The following ADAMTSL1 variants were observed in gnomAD, a reference collection of about 807,000 sequenced individuals.
The protein encoded by ADAMTSL1 is ADAMTS like 1, also known as ADAMTS-like protein 1.
Under a neutral mutation model 201.8 loss-of-function variants are expected in ADAMTSL1, and 126 were observed. That is an observed-to-expected ratio of 0.62 (90% confidence interval 0.54 to 0.72). ADAMTSL1 has a LOEUF of 0.72. ADAMTSL1 is among the 30% of genes least tolerant of loss of function. ADAMTSL1 has a pLI of 0.00. For synonymous variants in ADAMTSL1, 1,121 were observed against 903.4 expected, an observed-to-expected ratio of 1.24 and a Z score of -4.32; for missense variants, 2,679 against 2,277.8, an observed-to-expected ratio of 1.18 and a Z score of -3.59.
intron 2 of ADAMTSL1, among the ~76,000 whole-genome samples, chr9:18,241,569 GCACATGTT>G (rs1831063850): frequency 6.6e-6 from 1 of 151,810 alleles, no homozygotes; most frequent in Admixed American, 6.6e-5. Flanking sequence ...AATTTGTATT[GCACATGTT>G]TAACATATAT....
intron 13 of ADAMTSL1, among the ~76,000 whole-genome samples, chr9:18,704,820 G>A (rs1832136004): frequency 6.6e-6 from 1 of 152,188 alleles, no homozygotes; most frequent in South Asian, 2.1e-4. Flanking sequence ...AGTTAAAAGG[G>A]TGAGAGGGAG....
At chr9:18,876,329 T>TGTGTGTGTGCGCGTGTGTGTGTGTGC (rs901063156) in intron 23 of ADAMTSL1, among the ~76,000 whole-genome samples, 7 of 151,128 alleles carry the variant, frequency 4.6e-5, no homozygotes, top group Admixed American at 4.6e-4. Context: ...TGTGTGTGTG[T>TGTGTGTGTGCGCGTGTGTGTGTGTGC]GCGTGATTGT....
chr9:18,062,813 T>G (rs1822518840), intron 1 of ADAMTSL1, among the ~76,000 whole-genome samples: 3 of 152,216 alleles, frequency 2.0e-5, no homozygotes, highest in Admixed American at 1.3e-4. Context: ...AATTTTTCCC[T>G]CTGATTTATG....
In ADAMTSL1 at chr9:18,474,393, C is replaced by G. The variant is rs573128155; in HGVS notation, c.63+98C>G. The G allele has an allele frequency of 6.9e-6, 8 of 1,162,406 alleles. No homozygotes were observed. In the South Asian group the frequency reaches 9.4e-5, roughly 14 times the overall value. 72.0% of individuals were successfully genotyped at this position (1,162,406 alleles called of 1,614,324 possible). On this transcript the variant is annotated intron_variant, in intron 1 of 28. Transcript: ENST00000380548. ...TGTGTGTTTGTGTGTGTGTGTGTGT[C>G]TTTATCTTAAAACTCCAGGTAAAAT...
In ADAMTSL1 at chr9:18,719,924, C is replaced by T. The variant is rs73435537; in HGVS notation, c.1877-1612C>T. 7.7e-3 allele frequency among the ~76,000 whole-genome samples: 1,171 copies of T among 152,258 alleles called. 15 individuals carry two copies. Among genetic ancestry groups the T allele is most frequent in the African/African-American group, 0.027 (1,121 of 41,558 alleles). On this transcript the variant is annotated intron_variant, in intron 14 of 28. Transcript: ENST00000380548. The stretch of plus-strand genomic sequence containing the variant: ...TGATGAAGCAATGCAGAAAATAAAG[C>T]AAGGCAATATATGTGTATTTATGTA...
rs779306794 is a variant in ADAMTSL1 at position 18,156,579 on chromosome 9, A to G, written c.88-7283A>G. On this transcript the variant is annotated intron_variant, in intron 1 of 29. Transcript: ENST00000680146. ...GTTAACTGTTCAACTCTCTGTTTTAATTCTTGGCATCGAATGAGTATTTTA... is the reference window on the plus strand; with the variant it reads ...GTTAACTGTTCAACTCTCTGTTTTAGTTCTTGGCATCGAATGAGTATTTTA... Among the ~76,000 whole-genome samples, 9 of 152,004 alleles carry G rather than the reference A, an allele frequency of 5.9e-5. No individual in the cohort carries two copies. The South Asian group carries it at 8.3e-4, about 14-fold the overall frequency.
At chr9:18,286,405 ATTC>A (rs575520106) in intron 2 of ADAMTSL1, among the ~76,000 whole-genome samples, 36 of 152,146 alleles carry the variant, frequency 2.4e-4, no homozygotes, top group African/African-American at 8.7e-4. Context: ...GCTCCTTTCT[ATTC>A]TTCTTTTTAA....
At chr9:18,392,661 A>G (rs1838099283) in intron 2 of ADAMTSL1, among the ~76,000 whole-genome samples, 1 of 152,262 alleles carries the variant, frequency 6.6e-6, no homozygotes, top group Admixed American at 6.5e-5. Flanking sequence ...AACCTCAAAA[A>G]CATAGTAGGA....
At chr9:18,175,228 A>T (rs1039660942) in intron 2 of ADAMTSL1, among the ~76,000 whole-genome samples, 2 of 152,128 alleles carry the variant, frequency 1.3e-5, no homozygotes, top group African/African-American at 4.8e-5. Context: ...CATGTTCTGG[A>T]TGATCTTGAA....
chr9:18,678,337 C>A (rs1830242042), intron 10 of ADAMTSL1, among the ~76,000 whole-genome samples: 1 of 152,114 alleles, frequency 6.6e-6, no homozygotes, highest in Non-Finnish European at 1.5e-5. Flanking sequence ...GATCTCCTGA[C>A]ATGCTCTCTC....
intron 1 of ADAMTSL1, among the ~76,000 whole-genome samples, chr9:18,158,267 T>G (rs1437689675): frequency 6.6e-6 from 1 of 152,002 alleles, no homozygotes; most frequent in African/African-American, 2.4e-5. Context: ...TGGTACATAT[T>G]CTTATAAACC....
intron 2 of ADAMTSL1, among the ~76,000 whole-genome samples, chr9:18,339,631 C>CT: frequency 6.6e-6 from 1 of 152,136 alleles, no homozygotes; most frequent in South Asian, 2.1e-4. Flanking sequence ...TATTTTTTAA[C>CT]TTTTTTTACA....
intron 22 of ADAMTSL1, 122 bp downstream of exon 22, chr9:18,826,585 T>A (rs931572945): frequency 2.9e-5 from 35 of 1,193,478 alleles, no homozygotes; most frequent in Non-Finnish European, 3.9e-5. Flanking sequence ...TGATATCCCT[T>A]CACTTCTTCC....
intron 2 of ADAMTSL1, among the ~76,000 whole-genome samples, chr9:18,524,007 C>T (rs1350817771): frequency 6.9e-6 from 1 of 145,596 alleles, no homozygotes; most frequent in East Asian, 2.0e-4. Context: ...ATGGGGATGG[C>T]ATTGAATCTG....
In ADAMTSL1 at chr9:18,681,931, C is replaced by T. The variant is rs745323543; in HGVS notation, c.1461C>T (p.Ile487=). 5.6e-6 allele frequency: 9 copies of T among 1,614,014 alleles called. No individual in the cohort carries two copies. Among genetic ancestry groups the T allele is most frequent in the African/African-American group, 1.3e-5 (1 of 74,898 alleles). ...AGCCCCACATAAAAGAGGAATGCAT[C>T]GTACCCACTCCCTGCTATAAACCCA... is the stretch of plus-strand genomic sequence containing the variant. The part of the protein sequence containing the change: ...KTKPHIKEEC[I]VPTPCYKPKE... The change falls in exon 12 of 29, where the codon ATC becomes ATT. Residue 487 remains isoleucine (I), a synonymous_variant. Transcript: ENST00000380548.
chr9:18,298,917 C>A (rs1483142777), intron 2 of ADAMTSL1, among the ~76,000 whole-genome samples: 2 of 151,306 alleles, frequency 1.3e-5, no homozygotes, highest in African/African-American at 4.9e-5. Context: ...GAGGCTGAGG[C>A]AGGAGAATGG....
intron 15 of ADAMTSL1, among the ~76,000 whole-genome samples, chr9:18,737,296 C>T (rs898558923): frequency 8.4e-6 from 1 of 119,234 alleles, no homozygotes; most frequent in Non-Finnish European, 1.7e-5. Flanking sequence ...TCCAGCCTGC[C>T]CAACAAGAGT....
intron 2 of ADAMTSL1, among the ~76,000 whole-genome samples, chr9:18,305,731 C>G (rs73428964): frequency 6.6e-6 from 1 of 152,122 alleles, no homozygotes; most frequent in East Asian, 1.9e-4. Context: ...AGCAAACTCC[C>G]ATCTCCTTGG....
intron 1 of ADAMTSL1, among the ~76,000 whole-genome samples, chr9:18,155,599 A>G (rs1002746622): frequency 6.6e-6 from 1 of 152,030 alleles, no homozygotes; most frequent in Non-Finnish European, 1.5e-5. Context: ...GTGTTAGTGT[A>G]TTTTATGTAT....
Sources: allele counts gnomAD v4.1 joint callset (sites outside exome capture counted in the v4.1 genomes callset), GRCh38; gene constraint gnomAD v4.1.1; transcripts MANE v1.5; gene names NCBI Gene and HGNC (gene_info 2026-07-23, HGNC 2026-07-21).